Variants in SV2C observed in about 807,000 individuals in gnomAD.
The protein encoded by SV2C is synaptic vesicle glycoprotein 2C.
In SV2C, 49 loss-of-function variants were observed where a neutral mutation model predicts 79.7. The ratio of observed to expected loss-of-function variants is 0.61; its 90% CI spans 0.49 to 0.78. SV2C has a LOEUF of 0.78. SV2C is among the 30% of genes least tolerant of loss of function. SV2C has a pLI of 0.00. For missense variants in SV2C, 833 were observed against 912.9 expected (o/e 0.91, Z 1.13); for synonymous variants, 334 against 333.2 (o/e 1.00, Z -0.03).
chr5:76,144,824 G>A (rs1305211384), intron 2 of SV2C, among the ~76,000 whole-genome samples: 1 of 118,230 alleles, frequency 8.5e-6, no homozygotes, highest in Non-Finnish European at 1.9e-5. Flanking sequence ...ATTGATAGGA[G>A]GTTTTTTTTT....
intron 4 of SV2C, among the ~76,000 whole-genome samples, chr5:76,270,625 T>A (rs755894453): frequency 6.6e-6 from 1 of 152,180 alleles, no homozygotes; most frequent in East Asian, 1.9e-4. Flanking sequence ...TGGGGACATA[T>A]CTAGCTGGGA....
intron 4 of SV2C, among the ~76,000 whole-genome samples, chr5:76,268,533 A>C (rs1349467789): frequency 1.3e-5 from 2 of 152,196 alleles, no homozygotes; most frequent in Admixed American, 1.3e-4. Context: ...AGGTGCTTTT[A>C]TTAAGGATGC....
chr5:76,203,225 A>G (rs1240178834), intron 3 of SV2C, among the ~76,000 whole-genome samples: 1 of 152,270 alleles, frequency 6.6e-6, no homozygotes, highest in Non-Finnish European at 1.5e-5. Flanking sequence ...AGCCCACAGC[A>G]GGAATTTGTG....
At chr5:75,883,066 T>C in the SV2C span, among the ~76,000 whole-genome samples, 5 of 146,224 alleles carry the variant, frequency 3.4e-5, 1 homozygote, top group Admixed American at 3.4e-4. Context: ...AAGACATTTA[T>C]GCAGCCAAAA....
At chr5:76,313,538 A>AAGTT (rs1389593109) in intron 12 of SV2C, among the ~76,000 whole-genome samples, 2 of 152,160 alleles carry the variant, frequency 1.3e-5, no homozygotes, top group East Asian at 3.9e-4. Flanking sequence ...AACAGTCACA[A>AAGTT]AGTTTGTTTT....
At chr5:76,043,935 A>T in the SV2C span, among the ~76,000 whole-genome samples, 2 of 152,036 alleles carry the variant, frequency 1.3e-5, no homozygotes, top group African/African-American at 4.8e-5. Context: ...TCTGGGATAC[A>T]TGTGCAGCAT....
At chr5:76,149,850 A>T (rs951696351) in intron 2 of SV2C, among the ~76,000 whole-genome samples, 1 of 152,242 alleles carries the variant, frequency 6.6e-6, no homozygotes, top group Admixed American at 6.5e-5. Context: ...TGCAGGGCAC[A>T]GTGTGACTTG....
chr5:76,090,719 G>T (rs920419643), intron 1 of SV2C, among the ~76,000 whole-genome samples: 1 of 152,160 alleles, frequency 6.6e-6, no homozygotes, highest in Admixed American at 6.5e-5. Flanking sequence ...CCAGCAGCTT[G>T]ATTTCTAAGA....
chr5:75,933,952 G>T, the SV2C span, among the ~76,000 whole-genome samples: 1 of 152,216 alleles, frequency 6.6e-6, no homozygotes, highest in Non-Finnish European at 1.5e-5. Flanking sequence ...ACAGGATCAA[G>T]ATTCAACCCA....
chr5:76,145,041 G>A (rs1320553926), intron 2 of SV2C, among the ~76,000 whole-genome samples: 1 of 152,208 alleles, frequency 6.6e-6, no homozygotes, highest in Non-Finnish European at 1.5e-5. Flanking sequence ...ACAGCCACCA[G>A]GGATTTTGTG....
At chr5:76,079,038 T>C, upstream of SV2C, 1 of 415,890 alleles carries the variant, frequency 2.4e-6, no homozygotes, top group Admixed American at 3.1e-5. Context: ...TCAACAGACA[T>C]TGGTCCACCA....
At chr5:76,152,731 A>G (rs1434837194) in intron 2 of SV2C, among the ~76,000 whole-genome samples, 1 of 152,136 alleles carries the variant, frequency 6.6e-6, no homozygotes, top group African/African-American at 2.4e-5. Flanking sequence ...GCACACTACA[A>G]CTTTGCCCTG....
intron 2 of SV2C, among the ~76,000 whole-genome samples, chr5:76,161,364 C>T (rs144872729): frequency 1.4e-4 from 22 of 152,126 alleles, no homozygotes; most frequent in African/African-American, 3.9e-4. Flanking sequence ...CTTAGGGATG[C>T]GGTGGATGAG....
chr5:76,088,034 C>T (rs1747255405), intron 1 of SV2C, among the ~76,000 whole-genome samples: 1 of 152,264 alleles, frequency 6.6e-6, no homozygotes, highest in African/African-American at 2.4e-5. Flanking sequence ...GGTGGTCTGG[C>T]CTCTGCTCAC....
At position 76,199,167 on chromosome 5, in the gene SV2C, A is replaced by T. The variant is rs1240796795; in HGVS notation, c.761+4068A>T. ...TCTTTTTTTTATTTAAACTTTCTTTATTAAAACTTAAGCCAGAGAATTAAG... is the reference window on the plus strand; with the variant it reads ...TCTTTTTTTTATTTAAACTTTCTTTTTTAAAACTTAAGCCAGAGAATTAAG... On this transcript the variant is annotated intron_variant, in intron 3 of 12. Transcript: ENST00000502798. Among the ~76,000 whole-genome samples the T allele has an allele frequency of 5.9e-5, 9 of 152,124 alleles. 1 individual carries two copies. Among genetic ancestry groups the T allele is most frequent in the Non-Finnish European group, 2.9e-5 (2 of 68,010 alleles).
intron 2 of SV2C, among the ~76,000 whole-genome samples, chr5:76,183,912 C>A (rs1349115654): frequency 6.6e-6 from 1 of 152,142 alleles, no homozygotes; most frequent in African/African-American, 2.4e-5. Flanking sequence ...ATTAAGTAGT[C>A]TTTCCTTTTT....
intron 4 of SV2C, among the ~76,000 whole-genome samples, chr5:76,274,096 A>G (rs1045418397): frequency 1.3e-5 from 2 of 152,270 alleles, no homozygotes; most frequent in African/African-American, 4.8e-5. Flanking sequence ...CAGAATTAAC[A>G]TTCGTTTAGT....
At chr5:76,039,288 C>T in the SV2C span, among the ~76,000 whole-genome samples, 10 of 152,324 alleles carry the variant, frequency 6.6e-5, no homozygotes, top group African/African-American at 2.2e-4. Flanking sequence ...GCTCATATCT[C>T]CTTCATGGGG....
chr5:76,238,051 CACACACACACACACAT>C lies in SV2C; in HGVS notation c.913+28166_913+28181del, dbSNP rs760201808. On this transcript the variant is annotated intron_variant, in intron 4 of 12. Coordinates refer to ENST00000502798, the MANE Select transcript of SV2C (RefSeq NM_014979.4). Reference sequence around the variant, plus strand: ...ATACACACACACACACACACACACACACACACACACACACATATATATACCTCACCACCATTTTTTT... The same window carrying C: ...ATACACACACACACACACACACACACATATATACCTCACCACCATTTTTTT... Among the ~76,000 whole-genome samples the C allele has an allele frequency of 8.1e-3, 962 of 118,926 alleles. 20 individuals are homozygous for C. Among genetic ancestry groups the C allele is most frequent in the East Asian group, 0.068 (314 of 4,600 alleles). The allele number at this position is 118,926 out of a possible 152,430, so 78.0% of individuals were successfully genotyped here. A position where few individuals can be genotyped will look rare whatever the true frequency, so the allele number is the denominator to read the frequency against.
Sources: allele counts gnomAD v4.1 joint callset (sites outside exome capture counted in the v4.1 genomes callset), GRCh38; gene constraint gnomAD v4.1.1; transcripts MANE v1.5; gene names NCBI Gene and HGNC (gene_info 2026-07-23, HGNC 2026-07-21).